Variants in CACNB2 observed in about 807,000 individuals in gnomAD.
The protein encoded by CACNB2 is voltage-dependent L-type calcium channel subunit beta-2.
Under a neutral mutation model 73.3 loss-of-function variants are expected in CACNB2, and 42 were observed. That is an observed-to-expected ratio of 0.57 (90% CI 0.45 to 0.74). The LOEUF is 0.74. Ranked by LOEUF, CACNB2 falls within the 30% of genes least tolerant of loss-of-function variation. CACNB2 has a pLI of 0.00. For synonymous variants in CACNB2, 348 were observed against 310.3 expected (o/e 1.12, Z -1.28); for missense variants, 940 against 853.0 (o/e 1.10, Z -1.27).
intron 2 of CACNB2, among the ~76,000 whole-genome samples, chr10:18,249,378 C>G (rs923298446): frequency 6.6e-6 from 1 of 151,208 alleles, no homozygotes. Context: ...CCTGTAATAC[C>G]TCCTATTCCA....
chr10:18,366,140 T>G (rs1589150557), intron 2 of CACNB2, among the ~76,000 whole-genome samples: 1 of 152,178 alleles, frequency 6.6e-6, no homozygotes, highest in East Asian at 1.9e-4. Context: ...TTTCCACATC[T>G]AGGTCTGGGT....
intron 2 of CACNB2, among the ~76,000 whole-genome samples, chr10:18,245,343 G>C (rs1271207827): frequency 6.6e-6 from 1 of 152,068 alleles, no homozygotes; most frequent in East Asian, 1.9e-4. Context: ...ATTCGAGACA[G>C]GGTCTCACTC....
At chr10:18,341,085 C>G in intron 2 of CACNB2, 1 of 1,123,256 alleles carries the variant, frequency 8.9e-7, no homozygotes, top group African/African-American at 1.5e-5. Flanking sequence ...AGTTACTTAA[C>G]TTTTTAGACT....
Position 18,236,085 on chromosome 10 carries a change from C to T in CACNB2, c.213+85110C>T, listed in dbSNP as rs908500330. On this transcript the variant is annotated intron_variant, in intron 2 of 13. Transcript: ENST00000324631. ...ATGTTTCCTGTACAGCCTGTGGAACCGTGAGCCAATTAAACCTCTTTCCTT... is the reference window on the plus strand; with the variant it reads ...ATGTTTCCTGTACAGCCTGTGGAACTGTGAGCCAATTAAACCTCTTTCCTT... Among the ~76,000 whole-genome samples, 10 of 152,262 alleles carry T rather than the reference C, an allele frequency of 6.6e-5. 1 individual carries two copies. Among genetic ancestry groups the T allele is most frequent in the African/African-American group, 1.9e-4 (8 of 41,550 alleles).
At chr10:18,370,554 C>A (rs537141938) in intron 2 of CACNB2, among the ~76,000 whole-genome samples, 1 of 152,334 alleles carries the variant, frequency 6.6e-6, no homozygotes, top group South Asian at 2.1e-4. Flanking sequence ...CCCACCTTGG[C>A]CTTTCAAAGT....
intron 3 of CACNB2, among the ~76,000 whole-genome samples, chr10:18,408,488 C>T (rs1039154361): frequency 6.6e-6 from 1 of 152,036 alleles, no homozygotes; most frequent in Admixed American, 6.6e-5. Context: ...ATCTGCCCAC[C>T]TTGGACTCTT....
intron 2 of CACNB2, among the ~76,000 whole-genome samples, chr10:18,278,303 G>A (rs1453203301): frequency 6.6e-6 from 1 of 152,072 alleles, no homozygotes; most frequent in African/African-American, 2.4e-5. Context: ...AACATAGTGA[G>A]ACCCTATCTC....
intron 2 of CACNB2, among the ~76,000 whole-genome samples, chr10:18,215,785 C>T (rs1420638616): frequency 2.0e-5 from 3 of 152,106 alleles, no homozygotes; most frequent in East Asian, 1.9e-4. Context: ...AAATTTTCCG[C>T]GTCCCTCCAC....
chr10:18,537,380 T>C (rs1328048329), intron 12 of CACNB2, among the ~76,000 whole-genome samples: 2 of 152,238 alleles, frequency 1.3e-5, no homozygotes, highest in Non-Finnish European at 2.9e-5. Flanking sequence ...AAAAAATCTT[T>C]TGAAAAGTGG....
chr10:18,437,021 A>T (rs1204835287), intron 3 of CACNB2, among the ~76,000 whole-genome samples: 1 of 152,226 alleles, frequency 6.6e-6, no homozygotes, highest in East Asian at 1.9e-4. Flanking sequence ...AATCAATCTT[A>T]TTTTGGTGTG....
At chr10:18,506,955 T>C (rs1399724482) in intron 6 of CACNB2, among the ~76,000 whole-genome samples, 4 of 152,138 alleles carry the variant, frequency 2.6e-5, no homozygotes, top group Admixed American at 1.3e-4. Flanking sequence ...CACACCACCA[T>C]GCCCGGCTAA....
intron 2 of CACNB2, among the ~76,000 whole-genome samples, chr10:18,361,861 C>G (rs2042156523): frequency 6.6e-6 from 1 of 152,180 alleles, no homozygotes; most frequent in African/African-American, 2.4e-5. Flanking sequence ...AATCTGCCCG[C>G]CTCTACCTCC....
At chr10:18,296,381 C>T (rs2039282181) in intron 2 of CACNB2, among the ~76,000 whole-genome samples, 1 of 152,082 alleles carries the variant, frequency 6.6e-6, no homozygotes, top group Non-Finnish European at 1.5e-5. Flanking sequence ...CATAGTGTGT[C>T]TGGTGATACA....
chr10:18,276,365 A>G (rs1011463825), intron 2 of CACNB2, among the ~76,000 whole-genome samples: 2 of 152,194 alleles, frequency 1.3e-5, no homozygotes, highest in African/African-American at 4.8e-5. Flanking sequence ...CTGTATATAC[A>G]AACTACATGG....
At chr10:18,437,444 T>TA (rs1184865699) in intron 3 of CACNB2, among the ~76,000 whole-genome samples, 1 of 152,170 alleles carries the variant, frequency 6.6e-6, no homozygotes, top group African/African-American at 2.4e-5. Flanking sequence ...ACCAATATCA[T>TA]AAAAGGTTGG....
intron 3 of CACNB2, among the ~76,000 whole-genome samples, chr10:18,455,225 A>G (rs2047219863): frequency 6.6e-6 from 1 of 152,216 alleles, no homozygotes; most frequent in Admixed American, 6.5e-5. Flanking sequence ...GTCATTGCAC[A>G]GTTTGGAAAG....
intron 2 of CACNB2, among the ~76,000 whole-genome samples, chr10:18,212,650 T>A (rs1182492417): frequency 2.0e-5 from 3 of 152,214 alleles, no homozygotes; most frequent in Middle Eastern, 3.2e-3. Context: ...TAATTTTAAG[T>A]TTTCTATTTG....
In CACNB2 at chr10:18,504,872, C is replaced by T. The variant is rs564907349; in HGVS notation, c.594-1599C>T. 2.9e-3 allele frequency among the ~76,000 whole-genome samples: 439 copies of T among 152,268 alleles called. 1 individual carries two copies. The highest frequency in any genetic ancestry group is 9.4e-3 in the African/African-American group (390 of 41,556). On this transcript the variant is annotated intron_variant, in intron 5 of 13. Coordinates refer to ENST00000324631, the MANE Select transcript of CACNB2 (RefSeq NM_201596.3). ...GTTGGCCAGGCTGGTCTCAAACTCC[C>T]AACCTTAGGTGATCCACCCACCTTG...
At chr10:18,479,635 G>A (rs1428447226) in intron 3 of CACNB2, among the ~76,000 whole-genome samples, 1 of 152,112 alleles carries the variant, frequency 6.6e-6, no homozygotes, top group East Asian at 1.9e-4. Flanking sequence ...CCCCCTTTCT[G>A]TTCTCATGAT....
Sources: allele counts gnomAD v4.1 joint callset (sites outside exome capture counted in the v4.1 genomes callset), GRCh38; gene constraint gnomAD v4.1.1; transcripts MANE v1.5; gene names NCBI Gene and HGNC (gene_info 2026-07-23, HGNC 2026-07-21).